The following TINAG variants were observed in gnomAD, a reference collection of about 807,000 sequenced individuals.
The protein encoded by TINAG is tubulointerstitial nephritis antigen.
A neutral mutation model predicts 72.7 loss-of-function variants in TINAG; 83 were observed. The ratio of observed to expected loss-of-function variants is 1.14; its 90% CI spans 0.96 to 1.37. The LOEUF (loss-of-function observed/expected upper bound fraction) is 1.37, where lower values mean the gene tolerates loss of function less well. Among genes scored for constraint, TINAG ranks in the 40% most tolerant of loss-of-function variants. The pLI is 0.00. For missense variants in TINAG, 685 were observed against 576.6 expected (o/e 1.19, Z -1.93); for synonymous variants, 234 against 189.9 (o/e 1.23, Z -1.91).
chr6:54,309,619 T>C (rs1353716984), intron 1 of TINAG, among the ~76,000 whole-genome samples: 1 of 152,154 alleles, frequency 6.6e-6, no homozygotes, highest in African/African-American at 2.4e-5. Flanking sequence ...TGGAGGAGAA[T>C]GACTATGGAT....
At position 54,389,901 on chromosome 6, in the gene TINAG, A is replaced by G. The variant is rs989434852; in HGVS notation, c.1407A>G (p.Gln469=). Residue 469 remains glutamine, a synonymous_variant, in exon 11 of 11, where the codon CAA becomes CAG. Coordinates refer to ENST00000259782, the MANE Select transcript of TINAG (RefSeq NM_014464.4). ...IEKLIIAAWG[Q]LTSSDEP is the part of the protein sequence containing the mutation. ...AGTTGATTATCGCAGCTTGGGGCCA[A>G]CTGACGAGTTCTGATGAACCATAAC... 1 of 1,611,800 alleles carries G rather than the reference A, an allele frequency of 6.2e-7. No individual in the cohort carries two copies. The highest frequency in any genetic ancestry group is 8.5e-7 in the Non-Finnish European group (1 of 1,179,046).
intron 5 of TINAG, among the ~76,000 whole-genome samples, chr6:54,344,745 G>C (rs1165877054): frequency 2.6e-5 from 4 of 152,106 alleles, no homozygotes; most frequent in Admixed American, 2.6e-4. Context: ...ACCAAGTCAG[G>C]ATTGTTCCCC....
chr6:54,308,919 A>G lies in TINAG; in HGVS notation c.355+14A>G. On this transcript the variant is annotated intron_variant, in intron 1 of 10. Transcript: ENST00000259782. The stretch of plus-strand genomic sequence containing the variant: ...GGTATCCAGAAGGTAGGCTTTGGGA[A>G]TGTGTTTCAACATCATCCTCGTTCA... The G allele has an allele frequency of 6.3e-7, 1 of 1,584,316 alleles. No homozygotes were observed. Among genetic ancestry groups the G allele is most frequent in the Non-Finnish European group, 8.6e-7 (1 of 1,164,960 alleles).
chr6:54,385,103 T>C (rs1388607552), intron 10 of TINAG, among the ~76,000 whole-genome samples: 1 of 151,876 alleles, frequency 6.6e-6, no homozygotes, highest in Non-Finnish European at 1.5e-5. Context: ...TTGAAAAGAA[T>C]AATTCAATAA....
intron 3 of TINAG, among the ~76,000 whole-genome samples, chr6:54,326,143 A>G (rs927228335): frequency 1.3e-5 from 2 of 151,992 alleles, no homozygotes; most frequent in Non-Finnish European, 2.9e-5. Flanking sequence ...AATTTTGAAG[A>G]GAATTTTTTT....
chr6:54,308,003 T>A, upstream of TINAG: 1 of 1,540,818 alleles, frequency 6.5e-7, no homozygotes, highest in Non-Finnish European at 8.8e-7. Flanking sequence ...ATCAAACCAG[T>A]GTGTGACTGG....
intron 1 of TINAG, among the ~76,000 whole-genome samples, chr6:54,318,441 T>A (rs1056338232): frequency 2.0e-5 from 3 of 152,110 alleles, no homozygotes; most frequent in Admixed American, 6.6e-5. Flanking sequence ...TTCACCAGAT[T>A]CAATCCATGA....
chr6:54,367,454 A>G (rs751894754), intron 9 of TINAG, among the ~76,000 whole-genome samples: 7 of 151,788 alleles, frequency 4.6e-5, no homozygotes, highest in Non-Finnish European at 8.8e-5. Context: ...AATAGTGGAG[A>G]CAGCTACATG....
chr6:54,320,199 T>TA (rs1468925273), intron 1 of TINAG, among the ~76,000 whole-genome samples: 5 of 152,136 alleles, frequency 3.3e-5, no homozygotes, highest in Non-Finnish European at 1.5e-5. Context: ...TATAAGCACT[T>TA]ATGAGACTTG....
At chr6:54,366,945 A>G (rs1370796489) in intron 9 of TINAG, 1 of 151,566 alleles carries the variant, frequency 6.6e-6, no homozygotes, top group East Asian at 2.0e-4. Context: ...CTAATAAAAA[A>G]TGATACTAAG....
intron 9 of TINAG, among the ~76,000 whole-genome samples, chr6:54,379,041 A>G (rs1472603976): frequency 6.6e-6 from 1 of 151,996 alleles, no homozygotes; most frequent in East Asian, 1.9e-4. Flanking sequence ...CTGCAAACTC[A>G]CCAGGTTGGA....
chr6:54,360,288 G>C (rs1337557981), intron 9 of TINAG, among the ~76,000 whole-genome samples: 5 of 151,366 alleles, frequency 3.3e-5, no homozygotes, highest in Non-Finnish European at 5.9e-5. Flanking sequence ...GAATGCTATG[G>C]CTATAGATGC....
intron 10 of TINAG, among the ~76,000 whole-genome samples, chr6:54,381,034 CT>C (rs1472867675): frequency 1.4e-5 from 2 of 145,102 alleles, no homozygotes; most frequent in East Asian, 4.0e-4. Context: ...GAACTTGATG[CT>C]TATGTTAGTA....
At chr6:54,389,748 A>G in intron 10 of TINAG, 43 bp from the exon 11 acceptor site, 1 of 1,554,068 alleles carries the variant, frequency 6.4e-7, no homozygotes, top group Non-Finnish European at 8.6e-7. Context: ...AAAAAATACC[A>G]AAGTATGTTT....
intron 9 of TINAG, among the ~76,000 whole-genome samples, chr6:54,362,174 A>T (rs184952250): frequency 7.6e-4 from 115 of 151,872 alleles, no homozygotes; most frequent in African/African-American, 2.7e-3. Context: ...TGGGTGAAAC[A>T]GTCTTCTATT....
chr6:54,372,843 T>C (rs545680913), intron 9 of TINAG, among the ~76,000 whole-genome samples: 2 of 151,226 alleles, frequency 1.3e-5, no homozygotes, highest in African/African-American at 4.8e-5. Context: ...AGGCATATGT[T>C]GCTATGGCAA....
intron 9 of TINAG, among the ~76,000 whole-genome samples, chr6:54,358,397 A>G (rs1763123136): frequency 1.3e-5 from 2 of 151,954 alleles, no homozygotes; most frequent in Admixed American, 6.6e-5. Context: ...TAGCCAAACC[A>G]CTAAATACGG....
chr6:54,327,344 A>T (rs764565933), intron 4 of TINAG: 2 of 573,440 alleles, frequency 3.5e-6, no homozygotes, highest in Admixed American at 4.0e-5. Flanking sequence ...CAGGAAGAGC[A>T]AGGAGGCTGG....
intron 5 of TINAG, among the ~76,000 whole-genome samples, chr6:54,346,943 C>T (rs542716334): frequency 6.6e-6 from 1 of 151,924 alleles, no homozygotes; most frequent in Non-Finnish European, 1.5e-5. Flanking sequence ...TCTTGATTGC[C>T]CTGGTTTAGT....
Sources: gnomAD v4.1 joint callset for allele counts (sites outside exome capture counted in the v4.1 genomes callset) on GRCh38, gnomAD v4.1.1 for gene constraint, MANE v1.5 for transcripts, NCBI Gene and HGNC (gene_info 2026-07-23, HGNC 2026-07-21) for gene names.